SRGAP2: variants seen among roughly 807,000 people sequenced by gnomAD.
SRGAP2 encodes the protein SLIT-ROBO Rho GTPase-activating protein 2.
In SRGAP2, 15 loss-of-function variants were observed where a neutral mutation model predicts 57.2. That is an observed-to-expected ratio of 0.26 (90% CI 0.18 to 0.40). The LOEUF (loss-of-function observed/expected upper bound fraction) is 0.40, where lower values mean the gene tolerates loss of function less well. SRGAP2 is among the 10% of genes least tolerant of loss of function. The probability of loss-of-function intolerance (pLI) is 1.00; values close to 1 mark genes in which losing one functional copy is unlikely to be tolerated. For missense variants in SRGAP2, 520 were observed against 669.6 expected, an observed-to-expected ratio of 0.78 and a Z score of 2.47; for synonymous variants, 249 against 248.0, an observed-to-expected ratio of 1.00 and a Z score of -0.04.
intron 14 of SRGAP2, among the ~76,000 whole-genome samples, chr1:206,431,205 T>C (rs34758227): frequency 0.092 from 14,068 of 152,238 alleles, 1,383 homozygotes; most frequent in African/African-American, 0.25. Context: ...ATTTTTAAAT[T>C]TTATCCCTAT....
At chr1:206,231,545 T>G (rs1667638433) in intron 2 of SRGAP2, among the ~76,000 whole-genome samples, 1 of 151,654 alleles carries the variant, frequency 6.6e-6, no homozygotes, top group Admixed American at 6.5e-5. Flanking sequence ...TTCTAATTTT[T>G]TTTTTTTTTT....
At chr1:206,237,597 C>T (rs1667986812) in intron 2 of SRGAP2, among the ~76,000 whole-genome samples, 1 of 152,150 alleles carries the variant, frequency 6.6e-6, no homozygotes, top group Non-Finnish European at 1.5e-5. Context: ...AAATTTCTTC[C>T]AAGCATTCAA....
chr1:206,411,788 G>A (rs1238736394), intron 10 of SRGAP2, among the ~76,000 whole-genome samples: 1 of 152,216 alleles, frequency 6.6e-6, no homozygotes, highest in African/African-American at 2.4e-5. Context: ...AAGCATTCTA[G>A]TGCCTCTTAC....
intron 4 of SRGAP2, among the ~76,000 whole-genome samples, chr1:206,347,144 A>G (rs1467621403): frequency 8.7e-5 from 13 of 148,872 alleles, no homozygotes; most frequent in Admixed American, 5.4e-4. Context: ...CTAGCTACCC[A>G]GGAGGCTGAG....
chr1:206,430,627 C>G (rs782070221), intron 14 of SRGAP2, among the ~76,000 whole-genome samples: 1 of 152,220 alleles, frequency 6.6e-6, no homozygotes, highest in African/African-American at 2.4e-5. Context: ...GAAAACAACT[C>G]CTTTCCCAAT....
At chr1:206,355,345 G>T (rs1212163442) in intron 4 of SRGAP2, among the ~76,000 whole-genome samples, 2 of 152,056 alleles carry the variant, frequency 1.3e-5, no homozygotes, top group South Asian at 4.1e-4. Context: ...GGTCCAAGTG[G>T]ATTCAAGTGA....
rs546870767 is a variant in SRGAP2, at chr1:206,458,679, A to G, written c.2564A>G (p.His855Arg). The part of the protein sequence containing the change: ...SIRKTFRSDS[H>R]GLSSSLTDSS... The stretch of plus-strand genomic sequence containing the variant: ...CGGAAAACTTTTCGGAGTGACAGCC[A>G]TGGGCTGAGCAGTTCCCTGACTGAC... The change falls in exon 22 of 23, where the codon CAT becomes CGT. Residue 855 changes from histidine (H) to arginine (R), a missense_variant. This residue lies in a region of SRGAP2 where 478 missense variants were observed against 373.6 expected (regional missense o/e 1.28). Transcript: ENST00000573034. 2.7e-5 allele frequency: 21 copies of G among 778,582 alleles called. No individual in the cohort carries two copies. The Admixed American group carries it at 2.9e-4, about 11-fold the overall frequency. The allele number at this position is 778,582 out of a possible 1,614,324, so 48.2% of individuals were successfully genotyped here.
At chr1:206,222,885 T>C (rs546818611) in intron 2 of SRGAP2, among the ~76,000 whole-genome samples, 302 of 149,980 alleles carry the variant, frequency 2.0e-3, no homozygotes, top group African/African-American at 6.1e-3. Flanking sequence ...TGAGATAATA[T>C]ATGGCCTCCT....
chr1:206,303,182 G>A lies in SRGAP2; in HGVS notation c.68-99G>A, dbSNP rs1431183738. 8.6e-3 allele frequency: 4,916 copies of A among 573,368 alleles called. 277 individuals carry two copies. The African/African-American group carries it at 0.094, about 11-fold the overall frequency. 35.5% of individuals were successfully genotyped at this position (573,368 alleles called of 1,614,324 possible). A position where few individuals can be genotyped will look rare whatever the true frequency, so the allele number is the denominator to read the frequency against. ...TGTTCAGGGCTTTCAATTTCCCAGG[G>A]CACGGGGAATAAGTAAGTGGAAGGT... On this transcript the variant is annotated intron_variant, in intron 2 of 22. Transcript: ENST00000573034.
intron 13 of SRGAP2, among the ~76,000 whole-genome samples, chr1:206,428,424 A>G (rs1660998769): frequency 6.6e-6 from 1 of 150,968 alleles, no homozygotes; most frequent in South Asian, 2.1e-4. Flanking sequence ...CTGTCTCAAA[A>G]AAAAAAAAAA....
At chr1:206,375,129 A>G (rs1471999579) in intron 4 of SRGAP2, among the ~76,000 whole-genome samples, 5 of 142,288 alleles carry the variant, frequency 3.5e-5, no homozygotes, top group Non-Finnish European at 7.6e-5. Flanking sequence ...AGAAGGGCAT[A>G]TGTTTTCAAG....
rs1553351434 is a variant in SRGAP2 at position 206,392,916 on chromosome 1, C to T, written c.702+12C>T. On this transcript the variant is annotated intron_variant, in intron 6 of 22. Transcript: ENST00000573034. ...AGATGAAGGAGAAGGTATGTAGGCT[C>T]CCACAGCTGTAGATGCTGGGAAGCA... 1.4e-6 allele frequency: 1 copy of T among 716,230 alleles called. No homozygotes were observed. Among genetic ancestry groups the T allele is most frequent in the Non-Finnish European group, 2.6e-6 (1 of 384,714 alleles). The allele number at this position is 716,230 out of a possible 1,614,324, so 44.4% of individuals were successfully genotyped here. A position where few individuals can be genotyped will look rare whatever the true frequency, so the allele number is the denominator to read the frequency against.
intron 5 of SRGAP2, among the ~76,000 whole-genome samples, chr1:206,390,764 A>T (rs1340771814): frequency 6.6e-6 from 1 of 152,188 alleles, no homozygotes; most frequent in Non-Finnish European, 1.5e-5. Context: ...TTTAAACGCC[A>T]TTAGTTGTTA....
At chr1:206,412,655 A>G (rs1029686101) in intron 10 of SRGAP2, among the ~76,000 whole-genome samples, 11 of 152,184 alleles carry the variant, frequency 7.2e-5, no homozygotes, top group African/African-American at 2.2e-4. Context: ...TGATCTCCAG[A>G]AGTCATTAAA....
intron 20 of SRGAP2, chr1:206,453,949 A>C (rs1553377211): frequency 1.8e-6 from 1 of 560,442 alleles, no homozygotes; most frequent in Non-Finnish European, 3.2e-6. Flanking sequence ...CAAGGAACAA[A>C]GGAAACCTGA....
chr1:206,314,105 G>GTTTT (rs797022788), intron 3 of SRGAP2, among the ~76,000 whole-genome samples: 8 of 138,556 alleles, frequency 5.8e-5, no homozygotes, highest in Non-Finnish European at 9.4e-5. Context: ...TGTTTTTTTT[G>GTTTT]TTTTTTTTTT....
At chr1:206,231,744 A>G (rs572150146) in intron 2 of SRGAP2, among the ~76,000 whole-genome samples, 139,241 of 148,680 alleles carry the variant, frequency 0.94, 65,360 homozygotes, top group East Asian at 1. Context: ...CGCCATGTTG[A>G]GCAGGCTGGT....
chr1:206,377,572 GA>G (rs1382360010), intron 4 of SRGAP2, among the ~76,000 whole-genome samples: 5 of 46,912 alleles, frequency 1.1e-4, no homozygotes, highest in Admixed American at 1.0e-3. Context: ...GCTGGGACAG[GA>G]AAAAAAATTG....
At chr1:206,322,556 G>A (rs1553328061) in intron 3 of SRGAP2, among the ~76,000 whole-genome samples, 2 of 143,834 alleles carry the variant, frequency 1.4e-5, no homozygotes, top group African/African-American at 2.6e-5. Flanking sequence ...CTCCAGCCTG[G>A]GTGACAGACC....
Sources: gnomAD v4.1 joint callset for allele counts (sites outside exome capture counted in the v4.1 genomes callset) on GRCh38, gnomAD v4.1.1 for gene constraint, gnomAD v4.1.1 regional missense constraint, MANE v1.5 for transcripts, NCBI Gene and HGNC (gene_info 2026-07-23, HGNC 2026-07-21) for gene names.